Variants in ELAVL4 observed in about 807,000 individuals in gnomAD.
ELAVL4 encodes ELAV like RNA binding protein 4.
ELAVL4 carries 1 observed loss-of-function variant against 35.6 expected under a neutral mutation model. That is an observed-to-expected ratio of 0.03 (90% confidence interval 0.01 to 0.13). ELAVL4 has a LOEUF of 0.13. ELAVL4 is among the 10% of genes least tolerant of loss of function. The probability of loss-of-function intolerance (pLI) is 1.00; values close to 1 mark genes in which losing one functional copy is unlikely to be tolerated. For missense variants in ELAVL4, 267 were observed against 464.9 expected (o/e 0.57, Z 3.91); for synonymous variants, 156 against 171.0 (o/e 0.91, Z 0.69).
At chr1:50,058,911 A>G (rs1183082894) in intron 1 of ELAVL4, among the ~76,000 whole-genome samples, 1 of 152,106 alleles carries the variant, frequency 6.6e-6, no homozygotes, top group African/African-American at 2.4e-5. Flanking sequence ...GCCCAGGATA[A>G]TTCTTTTATT....
intron 1 of ELAVL4, among the ~76,000 whole-genome samples, chr1:50,052,543 C>A (rs768907785): frequency 2.0e-5 from 3 of 152,178 alleles, no homozygotes; most frequent in Non-Finnish European, 2.9e-5. Flanking sequence ...AAACCATTTA[C>A]CACTTTGATA....
intron 2 of ELAVL4, among the ~76,000 whole-genome samples, chr1:50,162,747 C>A (rs1300161046): frequency 6.6e-6 from 1 of 152,094 alleles, no homozygotes; most frequent in African/African-American, 2.4e-5. Flanking sequence ...CCACACCCAG[C>A]TAATTTTTGT....
chr1:50,109,814 C>A, intron 1 of ELAVL4: 1 of 1,176,636 alleles, frequency 8.5e-7, no homozygotes, highest in Non-Finnish European at 1.2e-6. Flanking sequence ...TGTAGCAGTG[C>A]CTGGCGTGTT....
At chr1:50,123,225 T>C (rs1344700638) in intron 1 of ELAVL4, among the ~76,000 whole-genome samples, 2 of 152,038 alleles carry the variant, frequency 1.3e-5, no homozygotes, top group Non-Finnish European at 2.9e-5. Flanking sequence ...GTTTCATCCT[T>C]GCCTGTTGAC....
intron 2 of ELAVL4, among the ~76,000 whole-genome samples, chr1:50,160,291 C>T (rs915057999): frequency 6.6e-6 from 1 of 152,134 alleles, no homozygotes; most frequent in Admixed American, 6.5e-5. Context: ...GATGACGTTC[C>T]CCCGCAATTT....
chr1:50,110,302 A>G (rs1010130277), intron 1 of ELAVL4, among the ~76,000 whole-genome samples: 17 of 152,248 alleles, frequency 1.1e-4, no homozygotes, highest in African/African-American at 3.6e-4. Flanking sequence ...TGAGCCTTCA[A>G]CGGAATTACA....
chr1:50,080,310 T>C (rs1664950533), intron 1 of ELAVL4, among the ~76,000 whole-genome samples: 1 of 152,136 alleles, frequency 6.6e-6, no homozygotes, highest in Non-Finnish European at 1.5e-5. Context: ...AAAATGAATG[T>C]TCTAAAGATC....
intron 1 of ELAVL4, among the ~76,000 whole-genome samples, chr1:50,124,718 G>A (rs1002815333): frequency 1.3e-5 from 2 of 152,038 alleles, no homozygotes; most frequent in Non-Finnish European, 2.9e-5. Context: ...AACTTCCCAA[G>A]GAAATAGAGA....
chr1:50,092,843 G>A (rs996664684), intron 1 of ELAVL4, among the ~76,000 whole-genome samples: 1 of 152,174 alleles, frequency 6.6e-6, no homozygotes, highest in African/African-American at 2.4e-5. Context: ...AGTTGTTGAC[G>A]TCAAAGAGCT....
intron 2 of ELAVL4, among the ~76,000 whole-genome samples, chr1:50,171,665 T>C (rs562724931): frequency 1.3e-5 from 2 of 152,326 alleles, no homozygotes; most frequent in South Asian, 4.1e-4. Flanking sequence ...TAAGAGAGCA[T>C]ACTGATAAAG....
chr1:50,079,064 G>A lies in ELAVL4; in HGVS notation c.18+30882G>A, dbSNP rs139330795. On this transcript the variant is annotated intron_variant, in intron 1 of 6. Transcript: ENST00000448907. ...GGGTGATTCATTTGCCATCTAAGAT[G>A]TTCAGTTTCTGCAACTTTTAATTTG... Among the ~76,000 whole-genome samples, 31 of 152,170 alleles carry A rather than the reference G, an allele frequency of 2.0e-4. 1 individual carries two copies. In the East Asian group the frequency reaches 6.0e-3, roughly 29 times the overall value.
At chr1:50,067,988 G>C (rs1163546389) in intron 1 of ELAVL4, among the ~76,000 whole-genome samples, 3 of 152,090 alleles carry the variant, frequency 2.0e-5, no homozygotes, top group Non-Finnish European at 4.4e-5. Context: ...CTCCCACCGG[G>C]TCTCTCCCAC....
intron 1 of ELAVL4, chr1:50,144,709 T>C (rs1349440224): frequency 1.5e-6 from 1 of 686,154 alleles, no homozygotes; most frequent in Non-Finnish European, 2.7e-6. Flanking sequence ...ATTAACAAAA[T>C]AATGGGAGAG....
At chr1:50,060,046 A>C (rs1019623438) in intron 1 of ELAVL4, among the ~76,000 whole-genome samples, 1 of 152,228 alleles carries the variant, frequency 6.6e-6, no homozygotes, top group African/African-American at 2.4e-5. Flanking sequence ...ATGTGAACCT[A>C]CTAAATGCCA....
chr1:50,112,617 A>C (rs2148545385), intron 1 of ELAVL4, among the ~76,000 whole-genome samples: 1 of 152,278 alleles, frequency 6.6e-6, no homozygotes, highest in South Asian at 2.1e-4. Flanking sequence ...AATTTTTGAA[A>C]GGGTAAAATT....
chr1:50,091,520 A>G (rs114738221), intron 1 of ELAVL4, among the ~76,000 whole-genome samples: 1 of 152,290 alleles, frequency 6.6e-6, no homozygotes, highest in African/African-American at 2.4e-5. Context: ...CCCCAGACCC[A>G]TAAAGAGGAC....
At chr1:50,118,215 T>C (rs1018167902) in intron 1 of ELAVL4, among the ~76,000 whole-genome samples, 24 of 152,108 alleles carry the variant, frequency 1.6e-4, no homozygotes, top group African/African-American at 5.3e-4. Flanking sequence ...CTATTTTTTT[T>C]CCTTTTCACT....
intron 1 of ELAVL4, among the ~76,000 whole-genome samples, chr1:50,135,850 C>T (rs1184986993): frequency 2.6e-5 from 4 of 152,096 alleles, no homozygotes; most frequent in Admixed American, 2.6e-4. Context: ...CAGTCTTTAG[C>T]CACAGTCCCC....
intron 1 of ELAVL4, among the ~76,000 whole-genome samples, chr1:50,121,787 C>G (rs1669079664): frequency 6.6e-6 from 1 of 152,036 alleles, no homozygotes; most frequent in Non-Finnish European, 1.5e-5. Flanking sequence ...TCTTTGATAA[C>G]TACTGATGTC....
Sources: allele counts gnomAD v4.1 joint callset (sites outside exome capture counted in the v4.1 genomes callset), GRCh38; gene constraint gnomAD v4.1.1; transcripts MANE v1.5; gene names NCBI Gene and HGNC (gene_info 2026-07-23, HGNC 2026-07-21).